Variants in PHACTR4 observed in about 807,000 individuals in gnomAD.
The protein encoded by PHACTR4 is phosphatase and actin regulator 4.
In PHACTR4, 51 loss-of-function variants were observed where a neutral mutation model predicts 72.7. The ratio of observed to expected loss-of-function variants is 0.70; its 90% confidence interval spans 0.56 to 0.89. PHACTR4 has a LOEUF of 0.89. PHACTR4 is among the 40% of genes least tolerant of loss of function. The pLI, the probability that PHACTR4 is intolerant of heterozygous loss-of-function variation, is 0.00. For synonymous variants in PHACTR4, 255 were observed against 302.5 expected (o/e 0.84, Z 1.63); for missense variants, 731 against 861.8 (o/e 0.85, Z 1.90).
In PHACTR4 at chr1:28,491,801, ACT is replaced by A. The variant is rs780474814; in HGVS notation, c.2016+19_2016+20del. 6.2e-7 allele frequency: 1 copy of A among 1,607,546 alleles called. No individual in the cohort carries two copies. The highest frequency in any genetic ancestry group is 1.3e-5 in the African/African-American group (1 of 74,520). ...CCTGCTGACAAGGTACCTGGAAAGCACTCTCTTGCTTTTTTTCTCTTTCTCTT... is the reference window on the plus strand; with the variant it reads ...CCTGCTGACAAGGTACCTGGAAAGCACTCTTGCTTTTTTTCTCTTTCTCTT... On this transcript the variant is annotated intron_variant, in intron 12 of 13. Transcript: ENST00000373839.
In PHACTR4 at chr1:28,385,966, C is replaced by T. The variant is rs546487930; in HGVS notation, c.-39+16141C>T. Among the ~76,000 whole-genome samples the T allele has an allele frequency of 4.8e-4, 73 of 152,134 alleles. 4 individuals carry two copies. In the South Asian group the frequency reaches 1.0e-2, roughly 21 times the overall value. The stretch of plus-strand genomic sequence containing the variant: ...ATTTCTAGTTTGATTCCGCTGTGGT[C>T]CAAGAGATTGTTTACTATGATTTCA... On this transcript the variant is annotated intron_variant, in intron 1 of 13. Transcript: ENST00000373839.
chr1:28,439,523 A>G (rs925056701), intron 2 of PHACTR4, among the ~76,000 whole-genome samples: 1 of 152,210 alleles, frequency 6.6e-6, no homozygotes, highest in Non-Finnish European at 1.5e-5. Flanking sequence ...AGATTTTCAG[A>G]ACTGAAGTCA....
chr1:28,447,402 T>C (rs553015930), intron 2 of PHACTR4, among the ~76,000 whole-genome samples: 2 of 151,030 alleles, frequency 1.3e-5, no homozygotes, highest in African/African-American at 4.9e-5. Flanking sequence ...TTTCTTTTTT[T>C]TTTTTTTGAG....
chr1:28,384,462 ATAT>A (rs1267307272), intron 1 of PHACTR4, among the ~76,000 whole-genome samples: 2 of 152,148 alleles, frequency 1.3e-5, no homozygotes, highest in African/African-American at 2.4e-5. Flanking sequence ...GGTGTTCATA[ATAT>A]TATCAGATGG....
chr1:28,385,614 A>ATT (rs1225303255), intron 1 of PHACTR4, among the ~76,000 whole-genome samples: 10 of 126,938 alleles, frequency 7.9e-5, no homozygotes, highest in South Asian at 2.5e-4. Context: ...TTTTAAGTGA[A>ATT]TTTTTTTTTT....
intron 9 of PHACTR4, among the ~76,000 whole-genome samples, chr1:28,482,678 T>C (rs577933497): frequency 1.8e-4 from 28 of 152,270 alleles, no homozygotes; most frequent in African/African-American, 6.7e-4. Flanking sequence ...CTCACACCTA[T>C]AATCCCAACA....
chr1:28,484,346 G>A (rs1239963420), intron 9 of PHACTR4, among the ~76,000 whole-genome samples: 1 of 151,934 alleles, frequency 6.6e-6, no homozygotes, highest in African/African-American at 2.4e-5. Context: ...AAATAGCCAG[G>A]CATGGTAGCA....
At chr1:28,445,455 C>T (rs1450043829) in intron 2 of PHACTR4, among the ~76,000 whole-genome samples, 1 of 151,116 alleles carries the variant, frequency 6.6e-6, no homozygotes, top group Non-Finnish European at 1.5e-5. Context: ...TGGCTTGGAA[C>T]TTTCCTTCTC....
intron 2 of PHACTR4, among the ~76,000 whole-genome samples, chr1:28,433,538 A>G (rs1385548397): frequency 6.9e-6 from 1 of 144,774 alleles, no homozygotes; most frequent in Non-Finnish European, 1.5e-5. Context: ...GCTCACTGCA[A>G]CCTCTGCCTC....
chr1:28,439,892 A>G (rs965048968), intron 2 of PHACTR4, among the ~76,000 whole-genome samples: 4 of 152,234 alleles, frequency 2.6e-5, no homozygotes, highest in African/African-American at 7.2e-5. Flanking sequence ...GCATTTATCT[A>G]TGAGATGGAA....
At chr1:28,418,299 C>T (rs1655245908) in intron 2 of PHACTR4, among the ~76,000 whole-genome samples, 1 of 146,570 alleles carries the variant, frequency 6.8e-6, no homozygotes, top group South Asian at 2.1e-4. Context: ...CCTGACTCTA[C>T]TAAAAATACA....
At chr1:28,465,122 A>C (rs1659055639) in intron 4 of PHACTR4, among the ~76,000 whole-genome samples, 1 of 152,156 alleles carries the variant, frequency 6.6e-6, no homozygotes, top group African/African-American at 2.4e-5. Context: ...TCTCAATAAT[A>C]AACTAAAACA....
rs1053236857 is a variant in PHACTR4, at chr1:28,466,271, A to C, written c.437-111A>C. Reference sequence around the variant, plus strand: ...CATTGAGAATGGTAACCTATAAGCTAATCTATAAATTAATTGGTGAAATTG... The same window carrying C: ...CATTGAGAATGGTAACCTATAAGCTCATCTATAAATTAATTGGTGAAATTG... On this transcript the variant is annotated intron_variant, in intron 5 of 13. Coordinates refer to ENST00000373839, the MANE Select transcript of PHACTR4 (RefSeq NM_001048183.3). The C allele has an allele frequency of 3.3e-6, 4 of 1,227,392 alleles. No individual in the cohort carries two copies. In the African/African-American group the frequency reaches 4.6e-5, roughly 14 times the overall value. The allele number at this position is 1,227,392 out of a possible 1,614,324, so 76.0% of individuals were successfully genotyped here.
rs568784358 is a variant in PHACTR4, at chr1:28,479,604, G to A, written c.1607-847G>A. On this transcript the variant is annotated intron_variant, in intron 8 of 13. Transcript: ENST00000373839. ...CCTCAGAAAAAAAAAAAAAAAAAGA[G>A]GCCAGGCGTGGTGGCTCACGCCTAT... Among the ~76,000 whole-genome samples, 58 of 147,404 alleles carry A rather than the reference G, an allele frequency of 3.9e-4. 1 individual carries two copies. The highest frequency in any genetic ancestry group is 7.7e-3 in the Middle Eastern group (2 of 260).
intron 1 of PHACTR4, among the ~76,000 whole-genome samples, chr1:28,392,646 G>C (rs1374925886): frequency 1.3e-5 from 2 of 151,806 alleles, no homozygotes; most frequent in Admixed American, 6.6e-5. Context: ...ACCCACCTCA[G>C]CCTCCCAAAG....
In PHACTR4 at chr1:28,497,845, A is replaced by G. The variant is rs1169556380; in HGVS notation, c.*1296A>G. 6.6e-6 allele frequency: 1 copy of G among 152,074 alleles called. No individual in the cohort carries two copies. Among genetic ancestry groups the G allele is most frequent in the Admixed American group, 6.6e-5 (1 of 15,254 alleles). The allele number at this position is 152,074 out of a possible 1,614,324, so 9.4% of individuals were successfully genotyped here. A position where few individuals can be genotyped will look rare whatever the true frequency, so the allele number is the denominator to read the frequency against. On this transcript the variant is annotated 3_prime_UTR_variant, in exon 14 of 14. Coordinates refer to ENST00000373839, the MANE Select transcript of PHACTR4 (RefSeq NM_001048183.3). ...CTGTCTCTACTAAAAAGTAAAAAAA[A>G]TTAGCCGGGCATGGTGGCTTGTGCC...
chr1:28,421,658 C>T (rs1304728998), intron 2 of PHACTR4, among the ~76,000 whole-genome samples: 1 of 151,850 alleles, frequency 6.6e-6, no homozygotes, highest in East Asian at 1.9e-4. Context: ...TGTCCATTTC[C>T]CCGCACAGGG....
chr1:28,474,927 T>G (rs1570070435), intron 7 of PHACTR4, among the ~76,000 whole-genome samples: 1 of 150,702 alleles, frequency 6.6e-6, no homozygotes, highest in South Asian at 2.1e-4. Context: ...TAATCTTACC[T>G]TAAAACTTTA....
intron 1 of PHACTR4, among the ~76,000 whole-genome samples, chr1:28,371,888 C>T (rs1651273958): frequency 6.6e-6 from 1 of 151,896 alleles, no homozygotes; most frequent in South Asian, 2.1e-4. Context: ...ATAAAGAATA[C>T]TGTATTTGTT....
Sources: gnomAD v4.1 joint callset for allele counts (sites outside exome capture counted in the v4.1 genomes callset) on GRCh38, gnomAD v4.1.1 for gene constraint, MANE v1.5 for transcripts, NCBI Gene and HGNC (gene_info 2026-07-23, HGNC 2026-07-21) for gene names.